Variants in LIMCH1 observed in about 807,000 individuals in gnomAD.
The protein encoded by LIMCH1 is LIM and calponin homology domains-containing protein 1.
A neutral mutation model predicts 176.5 loss-of-function variants in LIMCH1; 113 were observed. The ratio of observed to expected loss-of-function variants is 0.64; its 90% CI spans 0.55 to 0.75. The LOEUF (loss-of-function observed/expected upper bound fraction) is 0.75, where lower values mean the gene tolerates loss of function less well. Ranked by LOEUF, LIMCH1 falls within the 30% of genes least tolerant of loss-of-function variation. The pLI, the probability that LIMCH1 is intolerant of heterozygous loss-of-function variation, is 0.00. For missense variants in LIMCH1, 1,674 were observed against 1,814.9 expected (o/e 0.92, Z 1.41); for synonymous variants, 619 against 645.9 (o/e 0.96, Z 0.63).
intron 1 of LIMCH1, among the ~76,000 whole-genome samples, chr4:41,576,962 C>T (rs1417314115): frequency 2.0e-5 from 3 of 152,118 alleles, no homozygotes; most frequent in Non-Finnish European, 4.4e-5. Context: ...TGCATCTGAG[C>T]GTTCTGCATG....
intron 1 of LIMCH1, among the ~76,000 whole-genome samples, chr4:41,390,837 T>C (rs967793304): frequency 1.3e-5 from 2 of 152,190 alleles, no homozygotes; most frequent in African/African-American, 4.8e-5. Flanking sequence ...GAACAGTGGT[T>C]AGCCCTCTGT....
chr4:41,540,947 A>G (rs548391056), intron 1 of LIMCH1, among the ~76,000 whole-genome samples: 1 of 152,258 alleles, frequency 6.6e-6, no homozygotes, highest in East Asian at 1.9e-4. Flanking sequence ...TCTACCTTTT[A>G]AAAAGGAATG....
Position 41,598,463 on chromosome 4 carries a change from A to G in LIMCH1, c.-240-457A>G, listed in dbSNP as rs7671886. 4.4e-3 allele frequency among the ~76,000 whole-genome samples: 665 copies of G among 152,262 alleles called. 9 individuals carry two copies. Among genetic ancestry groups the G allele is most frequent in the African/African-American group, 0.015 (614 of 41,558 alleles). ...AAAATCCCTAAAGGATGTAAAATAC[A>G]TCTAAAGAATATATTTTAGAAGATC... On this transcript the variant is annotated intron_variant, in intron 1 of 31. Coordinates refer to ENST00000503057, the MANE Select transcript of LIMCH1 (RefSeq NM_001330672.2).
chr4:41,648,867 TA>T (rs1026258095), intron 17 of LIMCH1, among the ~76,000 whole-genome samples: 17 of 144,888 alleles, frequency 1.2e-4, no homozygotes, highest in East Asian at 8.0e-4. Context: ...GAAGCCAATA[TA>T]AAAAAAAAAG....
rs2090313414 is a variant in LIMCH1, at chr4:41,603,776, A to G, written c.-133-99A>G. 1.0e-5 allele frequency: 8 copies of G among 777,330 alleles called. No homozygotes were observed. The South Asian group carries it at 1.2e-4, about 12-fold the overall frequency. 48.2% of individuals were successfully genotyped at this position (777,330 alleles called of 1,614,324 possible). ...TAATACATTCTTCTGATTTCATTAT[A>G]TATGTTAGCTTCAAGTACATCTTAG... On this transcript the variant is annotated intron_variant, in intron 2 of 31. Transcript: ENST00000503057.
intron 1 of LIMCH1, among the ~76,000 whole-genome samples, chr4:41,414,956 G>A (rs1389444320): frequency 2.6e-5 from 4 of 152,024 alleles, no homozygotes; most frequent in Non-Finnish European, 1.5e-5. Context: ...CTTTCTTGCC[G>A]CTTATTAGAT....
At chr4:41,610,963 G>C (rs1270071185) in intron 4 of LIMCH1, among the ~76,000 whole-genome samples, 1 of 152,162 alleles carries the variant, frequency 6.6e-6, no homozygotes, top group Admixed American at 6.5e-5. Flanking sequence ...GAGCAAAGAC[G>C]TAACTCTGAA....
intron 2 of LIMCH1, among the ~76,000 whole-genome samples, chr4:41,514,005 T>TAAAAAAAAAAAAAAAAAAAAAAAAAAAAA (rs71198665): frequency 2.1e-5 from 1 of 48,514 alleles, no homozygotes; most frequent in African/African-American, 6.4e-5. Context: ...GACTCCGTCT[T>TAAAAAAAAAAAAAAAAAAAAAAAAAAAAA]AAAAAAAAAA....
At chr4:41,556,160 C>T (rs544830071) in intron 1 of LIMCH1, among the ~76,000 whole-genome samples, 6 of 151,860 alleles carry the variant, frequency 4.0e-5, no homozygotes, top group Admixed American at 2.0e-4. Flanking sequence ...TTTGGGAGGC[C>T]GAGGCGGGTG....
At chr4:41,459,490 C>T (rs774142765) in intron 1 of LIMCH1, among the ~76,000 whole-genome samples, 19 of 152,014 alleles carry the variant, frequency 1.2e-4, no homozygotes, top group Admixed American at 1.1e-3. Context: ...TCTGTAAAGA[C>T]GAGGTCTCAC....
intron 4 of LIMCH1, 139 bp downstream of exon 4, chr4:41,606,143 T>C (rs2090679686): frequency 5.1e-6 from 3 of 583,666 alleles, no homozygotes; most frequent in Admixed American, 2.7e-5. Context: ...AAACGATCAC[T>C]TGTCTTACCA....
chr4:41,523,681 T>G (rs547781806), intron 2 of LIMCH1, among the ~76,000 whole-genome samples: 2 of 152,364 alleles, frequency 1.3e-5, no homozygotes, highest in South Asian at 4.1e-4. Context: ...GTTGCTTTCC[T>G]TGTTTCTCTT....
At chr4:41,528,450 A>G (rs1355694176) in intron 3 of LIMCH1, among the ~76,000 whole-genome samples, 2 of 152,244 alleles carry the variant, frequency 1.3e-5, no homozygotes, top group Non-Finnish European at 2.9e-5. Context: ...GGCAGAGATC[A>G]TCTTGTTAGT....
intron 3 of LIMCH1, among the ~76,000 whole-genome samples, chr4:41,531,632 T>A (rs1470059805): frequency 6.6e-6 from 1 of 152,150 alleles, no homozygotes; most frequent in Admixed American, 6.5e-5. Context: ...TTTTGTCTGC[T>A]ATGACTAATG....
chr4:41,420,582 A>T (rs2060522807), intron 1 of LIMCH1, among the ~76,000 whole-genome samples: 1 of 152,130 alleles, frequency 6.6e-6, no homozygotes, highest in Non-Finnish European at 1.5e-5. Context: ...TGGACATAGG[A>T]CTTCCCAATA....
intron 31 of LIMCH1, among the ~76,000 whole-genome samples, chr4:41,695,377 T>TG (rs1729804535): frequency 1.3e-5 from 2 of 151,742 alleles, no homozygotes; most frequent in African/African-American, 2.4e-5. Context: ...GGATTGTATT[T>TG]GGGGGTAAAA....
chr4:41,505,556 T>C (rs1310216887), intron 2 of LIMCH1, among the ~76,000 whole-genome samples: 1 of 152,174 alleles, frequency 6.6e-6, no homozygotes, highest in Non-Finnish European at 1.5e-5. Context: ...TGTGGTGATG[T>C]CATTTTCTCC....
intron 23 of LIMCH1, among the ~76,000 whole-genome samples, chr4:41,677,929 G>A (rs1712243910): frequency 6.6e-6 from 1 of 151,766 alleles, no homozygotes; most frequent in African/African-American, 2.4e-5. Flanking sequence ...TGCTTTTTTT[G>A]ACGTTTGTTC....
intron 1 of LIMCH1, among the ~76,000 whole-genome samples, chr4:41,422,826 T>C (rs2154131887): frequency 6.6e-6 from 1 of 152,286 alleles, no homozygotes; most frequent in East Asian, 1.9e-4. Context: ...GACACAATCA[T>C]GGCTCACTGC....
Sources: allele counts gnomAD v4.1 joint callset (sites outside exome capture counted in the v4.1 genomes callset), GRCh38; gene constraint gnomAD v4.1.1; transcripts MANE v1.5; gene names NCBI Gene and HGNC (gene_info 2026-07-23, HGNC 2026-07-21).